Variants in PHF8 observed in about 807,000 individuals in gnomAD.
PHF8 encodes the protein PHD finger protein 8, also known as histone lysine demethylase PHF8.
In PHF8, 9 loss-of-function variants were observed where a neutral mutation model predicts 74.4. The observed-to-expected ratio is 0.12, with a 90% CI of 0.07 to 0.21. PHF8 has a LOEUF of 0.21. Among genes scored for constraint, PHF8 ranks in the 10% least tolerant of loss-of-function variants. The pLI is 1.00. For synonymous variants in PHF8, 311 were observed against 316.6 expected, an observed-to-expected ratio of 0.98 and a Z score of 0.19; for missense variants, 478 against 816.6, an observed-to-expected ratio of 0.59 and a Z score of 5.05.
Position 53,995,788 on chromosome X carries a change from A to C in PHF8, c.1234-6T>G, listed in dbSNP as rs1557102692. 1 of 1,128,133 alleles carries C rather than the reference A, an allele frequency of 8.9e-7. No homozygotes were observed. Among genetic ancestry groups the C allele is most frequent in the Non-Finnish European group, 1.2e-6 (1 of 821,990 alleles). The allele number at this position is 1,128,133 out of a possible 1,213,427, so 93.0% of individuals were successfully genotyped here. The stretch of plus-strand genomic sequence containing the variant: ...TCCTCATGGTCTGGCAGAGCCTGTC[A>C]AACAAGAGGCATGAGGAATAAACCC... On this transcript the variant is annotated splice_polypyrimidine_tract_variant and splice_region_variant and intron_variant, in intron 11 of 21. Coordinates refer to ENST00000338154, the MANE Select transcript of PHF8 (RefSeq NM_015107.3).
chrX:54,020,673 A>G (rs2066155484), intron 4 of PHF8, among the ~76,000 whole-genome samples: 1 of 111,972 alleles, frequency 8.9e-6, no homozygotes, highest in African/African-American at 3.2e-5. Flanking sequence ...CAGAGTAGAG[A>G]GGAGAAGTTT....
intron 19 of PHF8, among the ~76,000 whole-genome samples, chrX:53,957,224 T>A (rs1418354688): frequency 9.4e-6 from 1 of 106,868 alleles, no homozygotes; most frequent in Non-Finnish European, 1.9e-5. Flanking sequence ...GGTGCGGTGG[T>A]GCGTGCCTGT....
intron 18 of PHF8, among the ~76,000 whole-genome samples, chrX:53,976,961 A>T (rs2065388369): frequency 8.9e-6 from 1 of 112,182 alleles, no homozygotes; most frequent in African/African-American, 3.2e-5. Context: ...GGCTAGTCTT[A>T]AAAAATAAAT....
chrX:54,013,555 C>T (rs185346156), intron 7 of PHF8, among the ~76,000 whole-genome samples: 5 of 111,117 alleles, frequency 4.5e-5, no homozygotes, highest in South Asian at 3.8e-4. Flanking sequence ...CAGTGGCTCA[C>T]GACTGTAATC....
At chrX:54,015,857 G>T (rs1421198884) in intron 6 of PHF8, among the ~76,000 whole-genome samples, 2 of 111,039 alleles carry the variant, frequency 1.8e-5, no homozygotes, top group African/African-American at 6.5e-5. Flanking sequence ...TGTGAGTCCA[G>T]ATAGAATCAT....
intron 8 of PHF8, among the ~76,000 whole-genome samples, chrX:54,008,371 CAAAAAAAAAA>C (rs34539175): frequency 2.8e-5 from 1 of 36,235 alleles, no homozygotes; most frequent in African/African-American, 1.2e-4. Flanking sequence ...AATACTCCGT[CAAAAAAAAAA>C]AAAAAAAAAA....
intron 18 of PHF8, among the ~76,000 whole-genome samples, chrX:53,976,388 T>C (rs897883232): frequency 6.3e-5 from 7 of 110,937 alleles, no homozygotes; most frequent in Non-Finnish European, 1.3e-4. Flanking sequence ...TAAACGATCA[T>C]CTCTGAAATT....
At chrX:53,961,549 C>A (rs1171535441) in intron 19 of PHF8, among the ~76,000 whole-genome samples, 1 of 111,352 alleles carries the variant, frequency 9.0e-6, no homozygotes, top group Non-Finnish European at 1.9e-5. Flanking sequence ...CTGGTCCTGA[C>A]CTCAGGTGTT....
chrX:54,001,224 GC>G (rs2063627405), intron 10 of PHF8, among the ~76,000 whole-genome samples: 1 of 111,589 alleles, frequency 9.0e-6, no homozygotes. Context: ...TACTCTGGAG[GC>G]TGAGGCAGAA....
intron 8 of PHF8, among the ~76,000 whole-genome samples, chrX:54,004,439 C>A (rs1268235588): frequency 9.0e-6 from 1 of 111,169 alleles, no homozygotes; most frequent in Non-Finnish European, 1.9e-5. Context: ...AAACAATAGA[C>A]AATCCAATAT....
chrX:54,003,552 G>A (rs1603329821), intron 8 of PHF8, among the ~76,000 whole-genome samples: 1 of 111,429 alleles, frequency 9.0e-6, no homozygotes, highest in East Asian at 2.8e-4. Flanking sequence ...AGCTACTCGG[G>A]AGGCTGAGGC....
intron 19 of PHF8, among the ~76,000 whole-genome samples, chrX:53,958,799 A>G (rs1165522054): frequency 1.9e-5 from 2 of 106,192 alleles, no homozygotes; most frequent in African/African-American, 6.8e-5. Flanking sequence ...AAAAAAAAAA[A>G]AAGCTGATAA....
At chrX:53,948,340 T>C (rs1557085806) in intron 19 of PHF8, among the ~76,000 whole-genome samples, 1 of 111,848 alleles carries the variant, frequency 8.9e-6, no homozygotes, top group African/African-American at 3.2e-5. Context: ...TGGCGTGACC[T>C]CTACTCACTG....
intron 19 of PHF8, among the ~76,000 whole-genome samples, chrX:53,945,211 G>A (rs1416787064): frequency 1.8e-5 from 2 of 109,458 alleles, no homozygotes; most frequent in African/African-American, 6.7e-5. Flanking sequence ...CAGGCATGGT[G>A]GCGGGTGCCT....
chrX:53,951,355 A>G (rs1240754511), intron 19 of PHF8, among the ~76,000 whole-genome samples: 7 of 112,282 alleles, frequency 6.2e-5, no homozygotes, highest in African/African-American at 2.3e-4. Flanking sequence ...AAACTTTCCA[A>G]ATTTGATGAA....
rs1557091326 is a variant in PHF8, at chrX:53,962,914, A to C, written c.2469T>G (p.Asp823Glu). The change falls in exon 19 of 22, where the codon GAT becomes GAG. Residue 823 changes from aspartate to glutamate, a missense_variant. Transcript: ENST00000338154. ...GTCGAGATTTCAAAGCAGGGTCATC[A>C]TCATCAGACTCCAGTGAAGGATAGA... ...EYIYPSLESD[D>E]DDPALKSRPK... 3.4e-6 allele frequency: 4 copies of C among 1,182,937 alleles called. No individual in the cohort carries two copies. The highest frequency in any genetic ancestry group is 4.6e-6 in the Non-Finnish European group (4 of 871,073).
rs782720981 is a variant in PHF8, at chrX:54,014,656, A to G, written c.597-93T>C. The G allele has an allele frequency of 1.3e-4, 78 of 618,690 alleles. 2 individuals carry two copies. In the East Asian group the frequency reaches 2.5e-3, roughly 20 times the overall value. The allele number at this position is 618,690 out of a possible 1,213,427, so 51.0% of individuals were successfully genotyped here. On this transcript the variant is annotated intron_variant, in intron 6 of 21. Coordinates refer to ENST00000338154, the MANE Select transcript of PHF8 (RefSeq NM_015107.3). ...TACCCCACAGTTCAGTGAGGGTCAG[A>G]TAAGTCAGAGAACAAGTTCCCTCCA...
rs2040387563 is a variant in PHF8, at chrX:54,044,070, C to T, written c.-401G>A. ...AGCCCCCCGCTGGGTCGCGCGGCGC[C>T]AGCCGCTCAACGGTGCTTCAGAGCA... is the stretch of plus-strand genomic sequence containing the variant. On this transcript the variant is annotated 5_prime_UTR_variant, in exon 1 of 22. Coordinates refer to ENST00000338154, the MANE Select transcript of PHF8 (RefSeq NM_015107.3). 4 of 755,379 alleles carry T rather than the reference C, an allele frequency of 5.3e-6. No individual in the cohort carries two copies. The highest frequency in any genetic ancestry group is 6.3e-6 in the Non-Finnish European group (4 of 639,612). The allele number at this position is 755,379 out of a possible 1,213,427, so 62.3% of individuals were successfully genotyped here. A position where few individuals can be genotyped will look rare whatever the true frequency, so the allele number is the denominator to read the frequency against.
At chrX:53,962,137 G>T (rs1557091046) in intron 19 of PHF8, among the ~76,000 whole-genome samples, 4 of 111,858 alleles carry the variant, frequency 3.6e-5, no homozygotes, top group African/African-American at 9.7e-5. Context: ...GTAGGACTTA[G>T]ATAGTAGGTC....
Sources: gnomAD v4.1 joint callset for allele counts (sites outside exome capture counted in the v4.1 genomes callset) on GRCh38, gnomAD v4.1.1 for gene constraint, MANE v1.5 for transcripts, NCBI Gene and HGNC (gene_info 2026-07-23, HGNC 2026-07-21) for gene names.